The following NSUN3 variants were observed in gnomAD, a reference collection of about 807,000 sequenced individuals.
The protein encoded by NSUN3 is tRNA (cytosine(34)-C(5))-methyltransferase, mitochondrial.
NSUN3 carries 24 observed loss-of-function variants against 36.8 expected under a neutral mutation model. That is an observed-to-expected ratio of 0.65 (90% CI 0.47 to 0.92). The LOEUF (loss-of-function observed/expected upper bound fraction) is 0.92, where lower values mean the gene tolerates loss of function less well. Among genes scored for constraint, NSUN3 ranks in the 40% least tolerant of loss-of-function variants. The pLI is 0.00. For missense variants in NSUN3, 381 were observed against 392.8 expected (o/e 0.97, Z 0.25); for synonymous variants, 146 against 145.2 (o/e 1.01, Z -0.04).
chr3:94,077,627 G>A (rs2077251997), intron 2 of NSUN3, among the ~76,000 whole-genome samples: 1 of 152,138 alleles, frequency 6.6e-6, no homozygotes. Flanking sequence ...CTTGTTATTG[G>A]TCTATTCAGG....
At chr3:94,073,212 T>C (rs1294176915) in intron 2 of NSUN3, among the ~76,000 whole-genome samples, 1 of 152,204 alleles carries the variant, frequency 6.6e-6, no homozygotes, top group Non-Finnish European at 1.5e-5. Flanking sequence ...TTGATGGACA[T>C]TTGGGTTTGT....
At chr3:94,105,203 C>T (rs1452715077) in intron 5 of NSUN3, among the ~76,000 whole-genome samples, 1 of 152,128 alleles carries the variant, frequency 6.6e-6, no homozygotes, top group Non-Finnish European at 1.5e-5. Context: ...TCTTGGTGCT[C>T]TGTGTTCTTT....
intron 5 of NSUN3, among the ~76,000 whole-genome samples, chr3:94,115,892 G>A (rs1039681363): frequency 3.3e-5 from 5 of 152,114 alleles, no homozygotes; most frequent in South Asian, 2.1e-4. Flanking sequence ...TGTTTGAAAC[G>A]CAGATATTTG....
intron 5 of NSUN3, among the ~76,000 whole-genome samples, chr3:94,100,273 T>C (rs1249447072): frequency 6.6e-6 from 1 of 152,214 alleles, no homozygotes; most frequent in African/African-American, 2.4e-5. Context: ...AGATACTTTA[T>C]ACACGTGAGA....
At position 94,129,458 on chromosome 3, in the gene NSUN3, A is replaced by G. The variant is rs1293938775; in HGVS notation, c.*2968A>G. Reference sequence around the variant, plus strand: ...GGAGCTAAATATCGAGTACACATGGACATAAAGGAACAATAGACACTGGTG... The same window carrying G: ...GGAGCTAAATATCGAGTACACATGGGCATAAAGGAACAATAGACACTGGTG... On this transcript the variant is annotated 3_prime_UTR_variant, in exon 6 of 6. Coordinates refer to ENST00000314622, the MANE Select transcript of NSUN3 (RefSeq NM_022072.5). 2.0e-5 allele frequency among the ~76,000 whole-genome samples: 3 copies of G among 152,128 alleles called. No homozygotes were observed. Among genetic ancestry groups the G allele is most frequent in the Non-Finnish European group, 2.9e-5 (2 of 68,032 alleles).
At chr3:94,119,003 G>A (rs1007429953) in intron 5 of NSUN3, among the ~76,000 whole-genome samples, 4 of 152,034 alleles carry the variant, frequency 2.6e-5, no homozygotes, top group Non-Finnish European at 4.4e-5. Context: ...TCTAACTGTT[G>A]TAAAAATACA....
intron 2 of NSUN3, among the ~76,000 whole-genome samples, chr3:94,072,893 T>C (rs1156748408): frequency 6.6e-6 from 1 of 152,108 alleles, no homozygotes; most frequent in African/African-American, 2.4e-5. Context: ...CATGGTGGTT[T>C]GCTGCACCCA....
intron 5 of NSUN3, 147 bp downstream of exon 5, chr3:94,095,301 T>C (rs979094416): frequency 2.8e-6 from 2 of 716,164 alleles, no homozygotes; most frequent in African/African-American, 3.6e-5. Context: ...AATTCCCAAC[T>C]TCTTCCCCTT....
chr3:94,064,434 T>C lies in NSUN3; in HGVS notation c.13-3T>C. The C allele has an allele frequency of 6.2e-7, 1 of 1,604,306 alleles. No homozygotes were observed. Among genetic ancestry groups the C allele is most frequent in the Non-Finnish European group, 8.5e-7 (1 of 1,171,208 alleles). ...TGTCAGCAACTTTTTCTTATCGTCA[T>C]AGCTGAAAGCAAAATCAGAGGGGAA... On this transcript the variant is annotated splice_region_variant and splice_polypyrimidine_tract_variant and intron_variant, in intron 1 of 5. Coordinates refer to ENST00000314622, the MANE Select transcript of NSUN3 (RefSeq NM_022072.5).
intron 5 of NSUN3, among the ~76,000 whole-genome samples, chr3:94,110,728 A>G (rs2077412505): frequency 6.6e-6 from 1 of 150,786 alleles, no homozygotes; most frequent in Admixed American, 6.6e-5. Flanking sequence ...GTGGAGATAT[A>G]CATGTATACA....
At position 94,094,201 on chromosome 3, in the gene NSUN3, A is replaced by G. The variant is rs749912152; in HGVS notation, c.528A>G (p.Glu176=). The change falls in exon 4 of 6, where the codon GAA becomes GAG. Residue 176 remains glutamate (E), a synonymous_variant. Transcript: ENST00000314622. ...TGAGGTGGCTAAGGCAGACGTTGGA[A>G]TCTTTCATCCCACAGCCTTTGATAA... The part of the protein sequence containing the change: ...LRLRWLRQTL[E]SFIPQPLINV... 3.1e-6 allele frequency: 5 copies of G among 1,613,720 alleles called. No individual in the cohort carries two copies. The East Asian group carries it at 1.1e-4, about 36-fold the overall frequency.
chr3:94,074,599 T>G (rs573869521), intron 2 of NSUN3, among the ~76,000 whole-genome samples: 2 of 152,196 alleles, frequency 1.3e-5, no homozygotes, highest in Non-Finnish European at 2.9e-5. Flanking sequence ...GATTTGGCTG[T>G]CTGTTTGTCT....
Position 94,129,517 on chromosome 3 carries a change from A to C in NSUN3, c.*3027A>C, listed in dbSNP as rs1044396007. On this transcript the variant is annotated 3_prime_UTR_variant, in exon 6 of 6. Transcript: ENST00000314622. Reference sequence around the variant, plus strand: ...AGTGGGGAGGGGAGGAGGGGGATGTAGGCTGAAAAACTACCTATTGGGTAC... The same window carrying C: ...AGTGGGGAGGGGAGGAGGGGGATGTCGGCTGAAAAACTACCTATTGGGTAC... Among the ~76,000 whole-genome samples the C allele has an allele frequency of 6.6e-6, 1 of 152,054 alleles. No homozygotes were observed. Among genetic ancestry groups the C allele is most frequent in the Non-Finnish European group, 1.5e-5 (1 of 68,010 alleles).
chr3:94,089,898 G>A (rs995460635), intron 3 of NSUN3, among the ~76,000 whole-genome samples: 1 of 152,160 alleles, frequency 6.6e-6, no homozygotes, highest in Non-Finnish European at 1.5e-5. Context: ...GGCAAGAATT[G>A]AAGTTGCTGC....
At chr3:94,074,997 G>A (rs1416761500) in intron 2 of NSUN3, among the ~76,000 whole-genome samples, 2 of 152,076 alleles carry the variant, frequency 1.3e-5, no homozygotes, top group African/African-American at 4.8e-5. Flanking sequence ...CTAGTTTATT[G>A]AGAGTTTTTA....
chr3:94,127,885 G>A lies in NSUN3; in HGVS notation c.*1395G>A, dbSNP rs1244413922. ...ATTTTTTTTTCTGTACCTTCAGTCT[G>A]TTAATCATTTGTTTTCCTTTATGTC... On this transcript the variant is annotated 3_prime_UTR_variant, in exon 6 of 6. Transcript: ENST00000314622. The A allele has an allele frequency of 6.6e-6, 1 of 151,962 alleles. No individual in the cohort carries two copies. The allele number at this position is 151,962 out of a possible 1,614,324, so 9.4% of individuals were successfully genotyped here.
rs2077505683 is a variant in NSUN3 at position 94,130,626 on chromosome 3, C to T, written c.*4136C>T. On this transcript the variant is annotated 3_prime_UTR_variant, in exon 6 of 6. Coordinates refer to ENST00000314622, the MANE Select transcript of NSUN3 (RefSeq NM_022072.5). ...TCTCAGAACATGTCTTTCTGCATGG[C>T]CTCCTCATCCCCATCCCAGGGGAGA... Among the ~76,000 whole-genome samples the T allele has an allele frequency of 6.6e-6, 1 of 152,180 alleles. No individual in the cohort carries two copies. The highest frequency in any genetic ancestry group is 6.5e-5 in the Admixed American group (1 of 15,282).
chr3:94,063,108 G>C lies in NSUN3; in HGVS notation c.-19G>C, dbSNP rs1315087060. On this transcript the variant is annotated 5_prime_UTR_variant, in exon 1 of 6. Coordinates refer to ENST00000314622, the MANE Select transcript of NSUN3 (RefSeq NM_022072.5). ...ACTGATTCGCGTACACCTGTTGTTT[G>C]AAAGCTCTCAGCGGGACAATGCTGA... 5.0e-6 allele frequency: 8 copies of C among 1,614,080 alleles called. No individual in the cohort carries two copies. The highest frequency in any genetic ancestry group is 6.8e-6 in the Non-Finnish European group (8 of 1,179,996).
At chr3:94,088,966 G>A (rs1180704057) in intron 3 of NSUN3, among the ~76,000 whole-genome samples, 1 of 152,148 alleles carries the variant, frequency 6.6e-6, no homozygotes, top group African/African-American at 2.4e-5. Flanking sequence ...CCCACGCCTG[G>A]CCCAGATTAT....
Sources: gnomAD v4.1 joint callset for allele counts (sites outside exome capture counted in the v4.1 genomes callset) on GRCh38, gnomAD v4.1.1 for gene constraint, MANE v1.5 for transcripts, NCBI Gene and HGNC (gene_info 2026-07-23, HGNC 2026-07-21) for gene names.